PRDM10: variants seen among roughly 807,000 people sequenced by gnomAD.
PRDM10 encodes the protein PR/SET domain 10.
PRDM10 carries 65 observed loss-of-function variants against 133.1 expected under a neutral mutation model. The observed-to-expected ratio is 0.49, with a 90% CI of 0.40 to 0.60. PRDM10 has a LOEUF of 0.60. Among genes scored for constraint, PRDM10 ranks in the 20% least tolerant of loss-of-function variants. The pLI is 0.00. For missense variants in PRDM10, 1,137 were observed against 1,507.1 expected (o/e 0.75, Z 4.07); for synonymous variants, 582 against 580.4 (o/e 1.00, Z -0.04).
chr11:129,985,319 G>C (rs1938352015), intron 1 of PRDM10, among the ~76,000 whole-genome samples: 1 of 152,022 alleles, frequency 6.6e-6, no homozygotes, highest in Non-Finnish European at 1.5e-5. Flanking sequence ...ATATCTCAAT[G>C]TTTATAACTG....
chr11:129,965,634 T>A (rs1432793371), intron 1 of PRDM10, among the ~76,000 whole-genome samples: 1 of 152,166 alleles, frequency 6.6e-6, no homozygotes, highest in Non-Finnish European at 1.5e-5. Context: ...AATGATATGG[T>A]TGCATTTCTA....
chr11:129,972,022 A>G (rs1222194502), intron 1 of PRDM10, among the ~76,000 whole-genome samples: 3 of 152,230 alleles, frequency 2.0e-5, no homozygotes, highest in Non-Finnish European at 2.9e-5. Flanking sequence ...GTGCAGCGCC[A>G]GTGGGCCGGG....
In PRDM10 at chr11:129,937,712, C is replaced by G. The variant is rs781636037; in HGVS notation, c.967-42G>C. 6 of 1,540,730 alleles carry G rather than the reference C, an allele frequency of 3.9e-6. No homozygotes were observed. The East Asian group carries it at 1.4e-4, about 35-fold the overall frequency. On this transcript the variant is annotated intron_variant, in intron 7 of 20. Transcript: ENST00000360871. ...TATCATCAAGAACTGGGGACATCAC[C>G]AGATGTTCTTTGCATGCTTAAATTA... is the stretch of plus-strand genomic sequence containing the variant.
At chr11:129,916,113 T>TA (rs748079591) in intron 15 of PRDM10, among the ~76,000 whole-genome samples, 3 of 152,156 alleles carry the variant, frequency 2.0e-5, no homozygotes, top group Non-Finnish European at 4.4e-5. Context: ...ACTGTGAAAA[T>TA]ACCCTTTATC....
chr11:129,925,532 A>C (rs1293577564), intron 11 of PRDM10, among the ~76,000 whole-genome samples: 1 of 152,242 alleles, frequency 6.6e-6, no homozygotes, highest in Non-Finnish European at 1.5e-5. Context: ...GAAGACTTGT[A>C]TAATAAAACA....
Position 129,918,649 on chromosome 11 carries a change from G to A in PRDM10, c.2104C>T (p.Arg702Cys), listed in dbSNP as rs745827474. 18 of 1,613,980 alleles carry A rather than the reference G, an allele frequency of 1.1e-5. No homozygotes were observed. Among genetic ancestry groups the A allele is most frequent in the African/African-American group, 4.0e-5 (3 of 74,912 alleles). Residue 702 changes from arginine (R) to cysteine (C), a missense_variant, in exon 14 of 21, where the codon CGC (arginine) becomes TGC (cysteine). Physicochemically the swap from Arg to Cys is radical, Grantham distance 180. This residue lies in a region of PRDM10 where 78 missense variants were observed against 96.4 expected (regional missense o/e 0.81). Coordinates refer to ENST00000360871, the MANE Select transcript of PRDM10 (RefSeq NM_199437.2). The surrounding 1 kb of genome is among the most constrained non-coding windows in gnomAD (Gnocchi z 5.3). ...NPEREAKKADRISRSKTFKPR... is the reference protein window; with the variant it reads ...NPEREAKKADCISRSKTFKPR... ...TTGAACGTCTTGGAGCGGCTGATGC[G>A]GTCGGCTTTCTTGGCCTCCCTCTCA...
intron 6 of PRDM10, among the ~76,000 whole-genome samples, chr11:129,944,562 G>A (rs1346441976): frequency 1.3e-5 from 2 of 150,216 alleles, no homozygotes; most frequent in Non-Finnish European, 2.9e-5. Flanking sequence ...TCCAGCCTGG[G>A]CGACAGAGCA....
chr11:129,917,432 G>A (rs1950392947), intron 14 of PRDM10, among the ~76,000 whole-genome samples, 195 bp from the exon 15 acceptor site: 1 of 152,182 alleles, frequency 6.6e-6, no homozygotes, highest in African/African-American at 2.4e-5. Flanking sequence ...TGGTTAACAG[G>A]AGTTAACAAT....
intron 1 of PRDM10, among the ~76,000 whole-genome samples, chr11:129,989,614 A>G (rs948442029): frequency 6.6e-6 from 1 of 152,176 alleles, no homozygotes; most frequent in Non-Finnish European, 1.5e-5. Context: ...CCTATGACTC[A>G]ACAAATCACA....
chr11:129,987,869 C>T (rs1158247058), intron 1 of PRDM10, among the ~76,000 whole-genome samples: 2 of 152,136 alleles, frequency 1.3e-5, no homozygotes, highest in East Asian at 3.9e-4. Flanking sequence ...GGCGCAGTGG[C>T]AGGTGCCTGT....
intron 1 of PRDM10, among the ~76,000 whole-genome samples, chr11:129,986,148 G>A (rs1357174577): frequency 6.6e-6 from 1 of 151,876 alleles, no homozygotes. Context: ...CAGAGGCTTA[G>A]GATGGCAACA....
chr11:129,945,510 C>G lies in PRDM10; in HGVS notation c.521-498G>C, dbSNP rs182509677. Among the ~76,000 whole-genome samples the G allele has an allele frequency of 6.6e-6, 1 of 152,158 alleles. No individual in the cohort carries two copies. The highest frequency in any genetic ancestry group is 1.5e-5 in the Non-Finnish European group (1 of 68,040). ...GTCTTATATCTCAGCCTAACTCAAA[C>G]GGAAAAAGGGTTGTGCGGTCTGAGA... On this transcript the variant is annotated intron_variant, in intron 5 of 20. Coordinates refer to ENST00000360871, the MANE Select transcript of PRDM10 (RefSeq NM_199437.2). The surrounding 1 kb of genome is among the most constrained non-coding windows in gnomAD (Gnocchi z 4.2).
chr11:129,958,336 A>T (rs941277444), intron 2 of PRDM10, among the ~76,000 whole-genome samples: 1 of 152,228 alleles, frequency 6.6e-6, no homozygotes, highest in Non-Finnish European at 1.5e-5. Flanking sequence ...CTTTCAGCAG[A>T]CACATTAAAA....
chr11:129,983,440 G>GC (rs1938232187), intron 1 of PRDM10, among the ~76,000 whole-genome samples: 1 of 151,968 alleles, frequency 6.6e-6, no homozygotes, highest in Non-Finnish European at 1.5e-5. Flanking sequence ...TACTACAGGT[G>GC]CCCCCCACCG....
chr11:129,943,776 C>T (rs571582677), intron 6 of PRDM10, among the ~76,000 whole-genome samples: 6 of 152,128 alleles, frequency 3.9e-5, no homozygotes, highest in South Asian at 2.1e-4. Context: ...GGGTGGATCA[C>T]GAGGTCAAGA....
intron 17 of PRDM10, 190 bp downstream of exon 17, chr11:129,914,514 A>T: frequency 1.2e-6 from 1 of 803,750 alleles, no homozygotes; most frequent in Non-Finnish European, 2.1e-6. Context: ...TACTATAGAC[A>T]GAAATCTCTT....
chr11:129,919,537 T>A (rs1457475296), intron 13 of PRDM10, among the ~76,000 whole-genome samples: 1 of 152,192 alleles, frequency 6.6e-6, no homozygotes, highest in African/African-American at 2.4e-5. Flanking sequence ...TGATGGAGCA[T>A]GGGGCCCAGG....
chr11:129,903,832 A>G (rs2135702481), intron 20 of PRDM10, among the ~76,000 whole-genome samples: 1 of 152,158 alleles, frequency 6.6e-6, no homozygotes, highest in East Asian at 1.9e-4. Flanking sequence ...ATTGACTCCT[A>G]GGGGGTCCAT....
intron 1 of PRDM10, among the ~76,000 whole-genome samples, chr11:129,977,762 C>G (rs1006833804): frequency 3.3e-5 from 5 of 152,222 alleles, no homozygotes; most frequent in African/African-American, 1.2e-4. Flanking sequence ...CGAAACCAGC[C>G]TGAACAACAT....
Sources: allele counts gnomAD v4.1 joint callset (sites outside exome capture counted in the v4.1 genomes callset), GRCh38; gene constraint gnomAD v4.1.1; regional missense constraint gnomAD v4.1.1; non-coding constraint Gnocchi (gnomAD v3.1); transcripts MANE v1.5; gene names NCBI Gene and HGNC (gene_info 2026-07-23, HGNC 2026-07-21).